SNAP25: variants seen among roughly 807,000 people sequenced by gnomAD.
The protein encoded by SNAP25 is synaptosome associated protein 25, also known as synaptosomal-associated protein 25.
A neutral mutation model predicts 28.7 loss-of-function variants in SNAP25; 3 were observed. The observed-to-expected ratio is 0.10, with a 90% CI of 0.05 to 0.27. The LOEUF (loss-of-function observed/expected upper bound fraction) is 0.27, where lower values mean the gene tolerates loss of function less well. Ranked by LOEUF, SNAP25 falls within the 10% of genes least tolerant of loss-of-function variation. The pLI, the probability that SNAP25 is intolerant of heterozygous loss-of-function variation, is 1.00. For missense variants in SNAP25, 117 were observed against 278.7 expected (o/e 0.42, Z 4.13); for synonymous variants, 61 against 88.1 (o/e 0.69, Z 1.72).
chr20:10,223,794 T>A (rs2062679274), intron 1 of SNAP25, among the ~76,000 whole-genome samples: 1 of 152,214 alleles, frequency 6.6e-6, no homozygotes, highest in Non-Finnish European at 1.5e-5. Flanking sequence ...TTCTACATAA[T>A]TTTCTTCACA....
At chr20:10,266,995 GC>G (rs1462056701) in intron 1 of SNAP25, among the ~76,000 whole-genome samples, 1 of 152,062 alleles carries the variant, frequency 6.6e-6, no homozygotes, top group African/African-American at 2.4e-5. Context: ...ACAGCCATTG[GC>G]CATGTGTTAA....
chr20:10,221,004 A>G (rs1425014060), intron 1 of SNAP25, among the ~76,000 whole-genome samples: 2 of 152,256 alleles, frequency 1.3e-5, no homozygotes, highest in African/African-American at 4.8e-5. Context: ...GGACATTTAT[A>G]TATGAGTATG....
intron 1 of SNAP25, among the ~76,000 whole-genome samples, chr20:10,265,072 A>G (rs1163773364): frequency 6.6e-6 from 1 of 152,182 alleles, no homozygotes; most frequent in Non-Finnish European, 1.5e-5. Context: ...GCAAGATGGT[A>G]TATCAATTCA....
rs978613917 is a variant in SNAP25, at chr20:10,306,307, C to T, written c.*110C>T. 2.4e-5 allele frequency: 22 copies of T among 927,082 alleles called. No individual in the cohort carries two copies. The highest frequency in any genetic ancestry group is 3.4e-5 in the Non-Finnish European group (20 of 585,266). The allele number at this position is 927,082 out of a possible 1,614,324, so 57.4% of individuals were successfully genotyped here. A position where few individuals can be genotyped will look rare whatever the true frequency, so the allele number is the denominator to read the frequency against. ...GCACACATAACACACATCAGTCCACCCCCATTGTGAATGTTGTCCTGTGTC... is the reference window on the plus strand; with the variant it reads ...GCACACATAACACACATCAGTCCACTCCCATTGTGAATGTTGTCCTGTGTC... On this transcript the variant is annotated 3_prime_UTR_variant, in exon 8 of 8. Transcript: ENST00000254976.
chr20:10,291,879 T>C (rs1204413211), intron 4 of SNAP25, among the ~76,000 whole-genome samples: 1 of 152,236 alleles, frequency 6.6e-6, no homozygotes, highest in African/African-American at 2.4e-5. Flanking sequence ...TAATGGTCTT[T>C]TAAAGCTGTT....
At chr20:10,232,359 T>C (rs2062843190) in intron 1 of SNAP25, among the ~76,000 whole-genome samples, 1 of 152,232 alleles carries the variant, frequency 6.6e-6, no homozygotes, top group Non-Finnish European at 1.5e-5. Flanking sequence ...GTGATTTCCA[T>C]GCTGGAACCA....
chr20:10,302,369 CTT>C (rs1038022811), intron 7 of SNAP25, among the ~76,000 whole-genome samples: 1 of 152,204 alleles, frequency 6.6e-6, no homozygotes, highest in African/African-American at 2.4e-5. Flanking sequence ...AGAGCTAAGA[CTT>C]TGAGTTCTAA....
chr20:10,241,591 G>A (rs115236996), intron 1 of SNAP25, among the ~76,000 whole-genome samples: 2,765 of 152,164 alleles, frequency 0.018, 83 homozygotes, highest in African/African-American at 0.06. Flanking sequence ...TGAGGTGGTC[G>A]AGAGAGACGG....
intron 6 of SNAP25, 147 bp downstream of exon 6, chr20:10,297,197 C>T (rs2064132549): frequency 2.7e-6 from 3 of 1,126,628 alleles, no homozygotes; most frequent in African/African-American, 3.2e-5. Flanking sequence ...CTTTCCTGGA[C>T]CTTGCCTGGG....
chr20:10,292,374 A>G (rs1328160821), intron 4 of SNAP25, among the ~76,000 whole-genome samples: 1 of 152,164 alleles, frequency 6.6e-6, no homozygotes. Context: ...AGGGGAAGAA[A>G]AGACATCCAT....
At chr20:10,301,436 CAT>C (rs924659034) in intron 7 of SNAP25, among the ~76,000 whole-genome samples, 2 of 152,152 alleles carry the variant, frequency 1.3e-5, no homozygotes, top group African/African-American at 2.4e-5. Flanking sequence ...AAAATCCACA[CAT>C]GATTTAAATA....
intron 1 of SNAP25, among the ~76,000 whole-genome samples, chr20:10,266,337 A>G (rs1383860194): frequency 2.0e-5 from 3 of 152,244 alleles, no homozygotes; most frequent in African/African-American, 7.2e-5. Context: ...TCATCCAGTG[A>G]AAATAATAGC....
At chr20:10,301,266 C>T (rs1211244861) in intron 7 of SNAP25, among the ~76,000 whole-genome samples, 1 of 152,188 alleles carries the variant, frequency 6.6e-6, no homozygotes, top group Non-Finnish European at 1.5e-5. Context: ...TATGCAGCTA[C>T]AAGGTTTAAT....
At chr20:10,283,638 T>A (rs766814337) in intron 3 of SNAP25, among the ~76,000 whole-genome samples, 32 of 152,250 alleles carry the variant, frequency 2.1e-4, no homozygotes, top group Non-Finnish European at 4.4e-4. Flanking sequence ...ACTATTTTTT[T>A]AAAAGCACTT....
intron 1 of SNAP25, among the ~76,000 whole-genome samples, chr20:10,265,065 A>G (rs1399552009): frequency 6.6e-6 from 1 of 152,140 alleles, no homozygotes; most frequent in African/African-American, 2.4e-5. Flanking sequence ...AATAGATGCA[A>G]GATGGTATAT....
intron 4 of SNAP25, among the ~76,000 whole-genome samples, chr20:10,290,672 G>A (rs1322494218): frequency 1.3e-5 from 2 of 151,348 alleles, no homozygotes; most frequent in Non-Finnish European, 2.9e-5. Flanking sequence ...TTATCAACTC[G>A]CTTTGTAACT....
chr20:10,240,440 A>AC (rs2063006193), intron 1 of SNAP25, among the ~76,000 whole-genome samples: 2 of 152,190 alleles, frequency 1.3e-5, no homozygotes, highest in African/African-American at 4.8e-5. Flanking sequence ...CTAATCACAG[A>AC]ATGGCATCCT....
At chr20:10,261,042 A>G (rs150996971) in intron 1 of SNAP25, among the ~76,000 whole-genome samples, 2 of 152,274 alleles carry the variant, frequency 1.3e-5, no homozygotes, top group East Asian at 1.9e-4. Context: ...ACTAATATAC[A>G]TTCATGTCAA....
chr20:10,296,054 G>A (rs1350235576), intron 5 of SNAP25, among the ~76,000 whole-genome samples: 1 of 152,204 alleles, frequency 6.6e-6, no homozygotes, highest in East Asian at 1.9e-4. Context: ...TTACTGTCCT[G>A]CTAGTGCCTT....
Sources: gnomAD v4.1 joint callset for allele counts (sites outside exome capture counted in the v4.1 genomes callset) on GRCh38, gnomAD v4.1.1 for gene constraint, MANE v1.5 for transcripts, NCBI Gene and HGNC (gene_info 2026-07-23, HGNC 2026-07-21) for gene names.